SH3RF1: variants seen among roughly 807,000 people sequenced by gnomAD.
SH3RF1 encodes the protein E3 ubiquitin-protein ligase SH3RF1.
In SH3RF1, 32 loss-of-function variants were observed where a neutral mutation model predicts 74.0. The observed-to-expected ratio is 0.43, with a 90% CI of 0.33 to 0.58. The LOEUF (loss-of-function observed/expected upper bound fraction) is 0.58. Ranked by LOEUF, SH3RF1 falls within the 20% of genes least tolerant of loss-of-function variation. The pLI is 0.05. For missense variants in SH3RF1, 954 were observed against 1,130.9 expected, an observed-to-expected ratio of 0.84 and a Z score of 2.24; for synonymous variants, 396 against 439.6, an observed-to-expected ratio of 0.90 and a Z score of 1.24.
At chr4:169,254,146 C>A (rs4539999) in intron 2 of SH3RF1, among the ~76,000 whole-genome samples, 144,300 of 152,322 alleles carry the variant, frequency 0.95, 68,843 homozygotes, top group East Asian at 1. Context: ...TTAGACACTC[C>A]AACTTACAAG....
At chr4:169,248,213 C>T (rs535262934) in intron 2 of SH3RF1, among the ~76,000 whole-genome samples, 14 of 152,242 alleles carry the variant, frequency 9.2e-5, no homozygotes, top group Admixed American at 8.5e-4. Flanking sequence ...GCACTATCTA[C>T]AATAGCAAAG....
chr4:169,215,443 G>A (rs1454778534), intron 2 of SH3RF1, among the ~76,000 whole-genome samples: 2 of 152,134 alleles, frequency 1.3e-5, no homozygotes, highest in East Asian at 3.8e-4. Flanking sequence ...TTGGTATTAG[G>A]TTAATGCTGG....
At chr4:169,157,236 C>T (rs536913624) in intron 2 of SH3RF1, among the ~76,000 whole-genome samples, 52 of 152,268 alleles carry the variant, frequency 3.4e-4, no homozygotes, top group Admixed American at 1.0e-3. Flanking sequence ...CTTTCATGAG[C>T]TCAATGAGTA....
intron 10 of SH3RF1, among the ~76,000 whole-genome samples, chr4:169,110,507 G>A (rs1488801929): frequency 1.3e-5 from 2 of 152,176 alleles, no homozygotes; most frequent in Non-Finnish European, 2.9e-5. Context: ...GTGTGAACCT[G>A]TAGTCCCAGG....
intron 2 of SH3RF1, among the ~76,000 whole-genome samples, chr4:169,258,647 C>T (rs1431384946): frequency 1.3e-5 from 2 of 151,970 alleles, no homozygotes; most frequent in African/African-American, 2.4e-5. Context: ...GGGGAAAAAA[C>T]TGTTCAAAGA....
intron 2 of SH3RF1, among the ~76,000 whole-genome samples, chr4:169,192,922 T>C (rs201107227): frequency 2.3e-5 from 1 of 43,918 alleles, no homozygotes; most frequent in South Asian, 9.3e-4. Context: ...ATATATGTGA[T>C]ATATATATAT....
intron 10 of SH3RF1, among the ~76,000 whole-genome samples, chr4:169,115,390 T>C (rs1022477118): frequency 2.0e-5 from 3 of 152,160 alleles, no homozygotes; most frequent in Non-Finnish European, 4.4e-5. Context: ...CTGCCTGAGC[T>C]CCGCCTCCTG....
At chr4:169,161,866 T>C (rs532485322) in intron 2 of SH3RF1, among the ~76,000 whole-genome samples, 6 of 152,048 alleles carry the variant, frequency 3.9e-5, no homozygotes, top group Non-Finnish European at 7.4e-5. Flanking sequence ...GAAAAATGGG[T>C]GGAAGAAACA....
intron 4 of SH3RF1, among the ~76,000 whole-genome samples, chr4:169,145,253 T>C (rs2126958828): frequency 6.6e-6 from 1 of 152,146 alleles, no homozygotes; most frequent in African/African-American, 2.4e-5. Context: ...TATGCAGCCA[T>C]AAAAAAGAGA....
intron 2 of SH3RF1, among the ~76,000 whole-genome samples, chr4:169,183,021 G>A (rs905664591): frequency 2.6e-5 from 4 of 152,068 alleles, no homozygotes; most frequent in African/African-American, 4.8e-5. Context: ...GAGTTGGGGC[G>A]GGGTGCGGGC....
chr4:169,191,606 A>G (rs1441957620), intron 2 of SH3RF1, among the ~76,000 whole-genome samples: 1 of 152,228 alleles, frequency 6.6e-6, no homozygotes, highest in Non-Finnish European at 1.5e-5. Flanking sequence ...AAGCAAAAAG[A>G]ACAAATCTGG....
intron 2 of SH3RF1, among the ~76,000 whole-genome samples, chr4:169,183,684 G>A (rs945874417): frequency 2.0e-5 from 3 of 151,268 alleles, no homozygotes; most frequent in Non-Finnish European, 2.9e-5. Flanking sequence ...GGAGTTCCAT[G>A]CTACAGTGAG....
intron 2 of SH3RF1, among the ~76,000 whole-genome samples, chr4:169,232,941 C>T (rs866193231): frequency 2.0e-5 from 3 of 152,042 alleles, no homozygotes; most frequent in African/African-American, 7.2e-5. Flanking sequence ...CCTTCGTATG[C>T]AGCAGATTAT....
At chr4:169,258,941 T>C (rs1304542307) in intron 2 of SH3RF1, among the ~76,000 whole-genome samples, 1 of 152,176 alleles carries the variant, frequency 6.6e-6, no homozygotes, top group African/African-American at 2.4e-5. Context: ...AGGAACTTTA[T>C]ACAAATGCTA....
At chr4:169,241,139 A>T (rs1730901621) in intron 2 of SH3RF1, among the ~76,000 whole-genome samples, 1 of 152,206 alleles carries the variant, frequency 6.6e-6, no homozygotes, top group Admixed American at 6.5e-5. Context: ...CTGAGACAGG[A>T]GAATGGCGTG....
chr4:169,137,259 A>G (rs1288516172), intron 4 of SH3RF1, among the ~76,000 whole-genome samples: 1 of 152,190 alleles, frequency 6.6e-6, no homozygotes, highest in Admixed American at 6.5e-5. Context: ...ACTTTAAATC[A>G]TAACAGGGTA....
At chr4:169,195,697 G>A (rs1419899460) in intron 2 of SH3RF1, among the ~76,000 whole-genome samples, 1 of 151,680 alleles carries the variant, frequency 6.6e-6, no homozygotes, top group Non-Finnish European at 1.5e-5. Flanking sequence ...TTCTTTAGTT[G>A]TATCTGATTT....
Position 169,150,044 on chromosome 4 carries a change from T to C in SH3RF1, c.765+5436A>G, listed in dbSNP as rs1027706183. 3.3e-5 allele frequency among the ~76,000 whole-genome samples: 5 copies of C among 152,346 alleles called. No individual in the cohort carries two copies. The East Asian group carries it at 9.6e-4, about 29-fold the overall frequency. On this transcript the variant is annotated intron_variant, in intron 4 of 11. Coordinates refer to ENST00000284637, the MANE Select transcript of SH3RF1 (RefSeq NM_020870.4). ...CTAGCACCCCCACCTTTAAGGCCAC[T>C]TGTGCTCCCTGAGCCCTTTGATTTC...
At chr4:169,251,829 C>A (rs1366731959) in intron 2 of SH3RF1, among the ~76,000 whole-genome samples, 1 of 152,198 alleles carries the variant, frequency 6.6e-6, no homozygotes, top group Non-Finnish European at 1.5e-5. Context: ...GCGCAGCCTA[C>A]TAGAAACAAT....
Sources: allele counts gnomAD v4.1 joint callset (sites outside exome capture counted in the v4.1 genomes callset), GRCh38; gene constraint gnomAD v4.1.1; transcripts MANE v1.5; gene names NCBI Gene and HGNC (gene_info 2026-07-23, HGNC 2026-07-21).